Variants in RAD21L1 observed in about 807,000 individuals in gnomAD.
RAD21L1 encodes the protein RAD21 cohesin complex component like 1, also known as double-strand-break repair protein rad21-like protein 1.
In RAD21L1, 47 loss-of-function variants were observed where a neutral mutation model predicts 69.0. That is an observed-to-expected ratio of 0.68 (90% CI 0.54 to 0.87). The LOEUF is 0.87. Among genes scored for constraint, RAD21L1 ranks in the 40% least tolerant of loss-of-function variants. The pLI, the probability that RAD21L1 is intolerant of heterozygous loss-of-function variation, is 0.00. For missense variants in RAD21L1, 583 were observed against 647.6 expected (o/e 0.90, Z 1.08); for synonymous variants, 177 against 205.8 (o/e 0.86, Z 1.20).
intron 8 of RAD21L1, 21 bp from the exon 9 acceptor site, chr20:1,242,598 T>C: frequency 6.7e-7 from 1 of 1,493,184 alleles, no homozygotes; most frequent in Non-Finnish European, 9.1e-7. Flanking sequence ...CAATCACATT[T>C]GTGCTATTTC....
In RAD21L1 at chr20:1,246,891, A is replaced by C. The variant is rs1436299010; in HGVS notation, c.1401+586A>C. On this transcript the variant is annotated intron_variant, in intron 12 of 13. Transcript: ENST00000683101. This position sits in a 1 kb window ranked among gnomAD's most constrained non-coding sequence, Gnocchi z 4.6. Reference sequence around the variant, plus strand: ...GGTATTATCCCAGCATACTGAAAACATTTTTAAGATTGTAAGGAATTTTAG... The same window carrying C: ...GGTATTATCCCAGCATACTGAAAACCTTTTTAAGATTGTAAGGAATTTTAG... Among the ~76,000 whole-genome samples, 1 of 152,184 alleles carries C rather than the reference A, an allele frequency of 6.6e-6. No individual in the cohort carries two copies. Among genetic ancestry groups the C allele is most frequent in the Non-Finnish European group, 1.5e-5 (1 of 68,020 alleles).
At chr20:1,232,593 A>T (rs2087413476) in intron 4 of RAD21L1, among the ~76,000 whole-genome samples, 1 of 152,216 alleles carries the variant, frequency 6.6e-6, no homozygotes, top group Non-Finnish European at 1.5e-5. Flanking sequence ...AATGAAGGAT[A>T]CTATATGATT....
intron 3 of RAD21L1, 53 bp from the exon 4 acceptor site, chr20:1,231,472 CT>C: frequency 1.1e-6 from 1 of 890,994 alleles, no homozygotes; most frequent in Non-Finnish European, 1.8e-6. Context: ...GTTGGGAGTT[CT>C]TTGTTTTATA....
intron 11 of RAD21L1, 103 bp downstream of exon 11, chr20:1,244,273 T>C (rs1775902812): frequency 1.2e-6 from 1 of 800,750 alleles, no homozygotes; most frequent in Non-Finnish European, 1.8e-6. Context: ...GTAGTTCATA[T>C]TTCATTTTAA....
chr20:1,236,958 A>G (rs1325951904), intron 5 of RAD21L1, among the ~76,000 whole-genome samples: 1 of 152,212 alleles, frequency 6.6e-6, no homozygotes, highest in Non-Finnish European at 1.5e-5. Context: ...TTTGGGAGCT[A>G]TCAAGCTGTA....
At chr20:1,229,226 G>T (rs1007423391) in intron 2 of RAD21L1, among the ~76,000 whole-genome samples, 7 of 152,146 alleles carry the variant, frequency 4.6e-5, no homozygotes, top group African/African-American at 1.7e-4. Flanking sequence ...TTTTGAGTTG[G>T]TCAAATTTAT....
At position 1,254,074 on chromosome 20, in the gene RAD21L1, C is replaced by T. The variant is rs147719966; in HGVS notation, c.1480-195C>T. 3.0e-3 allele frequency among the ~76,000 whole-genome samples: 464 copies of T among 152,266 alleles called. 1 individual carries two copies. Among genetic ancestry groups the T allele is most frequent in the African/African-American group, 9.6e-3 (398 of 41,546 alleles). ...AATTCTTTTGCATGCATGTTCTTCA[C>T]GAACCAAGCTTGTGTACAGTAACTT... On this transcript the variant is annotated intron_variant, in intron 13 of 13. Coordinates refer to ENST00000683101, the MANE Select transcript of RAD21L1 (RefSeq NM_001384355.1).
At position 1,230,599 on chromosome 20, in the gene RAD21L1, T is replaced by C. The variant is rs77705542; in HGVS notation, c.274+590T>C. The C allele has an allele frequency of 3.7e-3, 1,177 of 320,564 alleles. 8 individuals are homozygous for C. The highest frequency in any genetic ancestry group is 0.025 in the African/African-American group (1,114 of 44,634). 19.9% of individuals were successfully genotyped at this position (320,564 alleles called of 1,614,324 possible). A position where few individuals can be genotyped will look rare whatever the true frequency, so the allele number is the denominator to read the frequency against. ...TGCCTCTGTCACTAGTCTTCAAGCT[T>C]CTTGAAGGCAAGGTCTTTGTCATAA... On this transcript the variant is annotated intron_variant, in intron 3 of 13. Coordinates refer to ENST00000683101, the MANE Select transcript of RAD21L1 (RefSeq NM_001384355.1).
chr20:1,230,093 C>A, intron 3 of RAD21L1, 84 bp downstream of exon 3: 1 of 974,796 alleles, frequency 1.0e-6, no homozygotes, highest in Non-Finnish European at 1.5e-6. Flanking sequence ...ATACTTCAGG[C>A]TAGTATGGTG....
At chr20:1,248,761 C>G in intron 13 of RAD21L1, 58 bp downstream of exon 13, 1 of 972,370 alleles carries the variant, frequency 1.0e-6, no homozygotes, top group South Asian at 1.7e-5. Context: ...TAAATACTGA[C>G]TTCAAGCTTC....
At chr20:1,237,463 A>G (rs1222684050) in intron 5 of RAD21L1, among the ~76,000 whole-genome samples, 1 of 151,488 alleles carries the variant, frequency 6.6e-6, no homozygotes, top group Non-Finnish European at 1.5e-5. Flanking sequence ...CTATTACATA[A>G]TATAATACAT....
intron 13 of RAD21L1, among the ~76,000 whole-genome samples, chr20:1,250,445 A>G (rs2087805888): frequency 6.7e-6 from 1 of 149,286 alleles, no homozygotes; most frequent in Non-Finnish European, 1.5e-5. Context: ...CCTGTGAGTG[A>G]GAACATGCAG....
intron 10 of RAD21L1, 55 bp from the exon 11 acceptor site, chr20:1,243,991 A>G (rs1176768492): frequency 4.7e-6 from 7 of 1,489,468 alleles, no homozygotes; most frequent in South Asian, 1.2e-5. Flanking sequence ...CCATATCACA[A>G]TTCAAGTTTG....
At chr20:1,245,197 C>T (rs1165823386) in intron 11 of RAD21L1, among the ~76,000 whole-genome samples, 4 of 152,134 alleles carry the variant, frequency 2.6e-5, no homozygotes, top group South Asian at 4.1e-4. Context: ...TATGCTTATG[C>T]TTTAAACCTT....
At chr20:1,227,070 T>C (rs2087279533) in intron 1 of RAD21L1, among the ~76,000 whole-genome samples, 1 of 152,100 alleles carries the variant, frequency 6.6e-6, no homozygotes, top group African/African-American at 2.4e-5. Context: ...CCACCGTGCC[T>C]GGCTACTTTT....
At chr20:1,233,887 T>C (rs1042745657) in intron 4 of RAD21L1, among the ~76,000 whole-genome samples, 198 bp from the exon 5 acceptor site, 2 of 152,126 alleles carry the variant, frequency 1.3e-5, no homozygotes, top group Non-Finnish European at 2.9e-5. Flanking sequence ...GCAAATAAGA[T>C]AAGGGACTGA....
At chr20:1,251,382 T>TTC (rs397755748) in intron 13 of RAD21L1, among the ~76,000 whole-genome samples, 3 of 151,672 alleles carry the variant, frequency 2.0e-5, no homozygotes, top group South Asian at 2.1e-4. Context: ...TTTTTTTTTT[T>TTC]CCACTTATTG....
chr20:1,232,627 A>C (rs540270503), intron 4 of RAD21L1, among the ~76,000 whole-genome samples: 3 of 152,330 alleles, frequency 2.0e-5, no homozygotes, highest in East Asian at 1.9e-4. Context: ...CAGACTTAAC[A>C]CTTCATAAGA....
At chr20:1,228,275 C>A in intron 1 of RAD21L1, 147 bp from the exon 2 acceptor site, 1 of 436,422 alleles carries the variant, frequency 2.3e-6, no homozygotes, top group Admixed American at 4.3e-5. Context: ...AAATAAGTTT[C>A]TCTTATTTAC....
Sources: allele counts gnomAD v4.1 joint callset (sites outside exome capture counted in the v4.1 genomes callset), GRCh38; gene constraint gnomAD v4.1.1; non-coding constraint Gnocchi (gnomAD v3.1); transcripts MANE v1.5; gene names NCBI Gene and HGNC (gene_info 2026-07-23, HGNC 2026-07-21).